PIK3C2A: variants seen among roughly 807,000 people sequenced by gnomAD.
PIK3C2A encodes the protein phosphatidylinositol 4-phosphate 3-kinase C2 domain-containing subunit alpha.
Under a neutral mutation model 204.5 loss-of-function variants are expected in PIK3C2A, and 97 were observed. That is an observed-to-expected ratio of 0.47 (90% CI 0.40 to 0.56). PIK3C2A has a LOEUF of 0.56. Among genes scored for constraint, PIK3C2A ranks in the 20% least tolerant of loss-of-function variants. The pLI, the probability that PIK3C2A is intolerant of heterozygous loss-of-function variation, is 0.00. For synonymous variants in PIK3C2A, 653 were observed against 664.4 expected, an observed-to-expected ratio of 0.98 and a Z score of 0.26; for missense variants, 1,735 against 1,969.2, an observed-to-expected ratio of 0.88 and a Z score of 2.25.
chr11:17,193,866 A>AGGG lies in PIK3C2A; in HGVS notation c.-66+13981_-66+13982insCCC, dbSNP rs1565305735. 7.1e-5 allele frequency: 7 copies of AGGG among 99,246 alleles called. 1 individual carries two copies. Among genetic ancestry groups the AGGG allele is most frequent in the African/African-American group, 3.2e-4 (5 of 15,642 alleles). 6.1% of individuals were successfully genotyped at this position (99,246 alleles called of 1,614,324 possible). On this transcript the variant is annotated intron_variant, in intron 1 of 32. Transcript: ENST00000691414. ...TCTCAAAAAAAGAAAAGAAAAGAAA[A>AGGG]GAAAAGAAAAGAAAAGAAAAGAAAA... is the stretch of plus-strand genomic sequence containing the variant.
At chr11:17,185,255 T>C (rs946602671) in intron 1 of PIK3C2A, among the ~76,000 whole-genome samples, 1 of 152,220 alleles carries the variant, frequency 6.6e-6, no homozygotes, top group Non-Finnish European at 1.5e-5. Flanking sequence ...TAACATGCTA[T>C]AGTATGTACA....
At position 17,118,738 on chromosome 11, in the gene PIK3C2A, G is replaced by C. The variant is rs369031488; in HGVS notation, c.2942C>G (p.Ala981Gly). 5 of 1,462,432 alleles carry C rather than the reference G, an allele frequency of 3.4e-6. No individual in the cohort carries two copies. Among genetic ancestry groups the C allele is most frequent in the Non-Finnish European group, 4.8e-6 (5 of 1,048,108 alleles). The allele number at this position is 1,462,432 out of a possible 1,614,324, so 90.6% of individuals were successfully genotyped here. A position where few individuals can be genotyped will look rare whatever the true frequency, so the allele number is the denominator to read the frequency against. The change falls in exon 18 of 33, where the codon GCT (alanine) becomes GGT (glycine). Residue 981 changes from alanine to glycine, a missense_variant and splice_region_variant. Physicochemically the swap from Ala to Gly is moderately conservative, Grantham distance 60. Coordinates refer to ENST00000691414, the MANE Select transcript of PIK3C2A (RefSeq NM_002645.4). ...ATTCAAGTAAATTTCATATTTCAAA[G>C]CCTACAGTAAAAGAAAATAAGAATT... ...LTDLLPQFVQ[A>G]LKYEIYLNSS...
chr11:17,169,370 G>C lies in PIK3C2A; in HGVS notation c.372C>G (p.Ser124Arg), dbSNP rs1189916272. The C allele has an allele frequency of 1.2e-6, 2 of 1,613,936 alleles. No individual in the cohort carries two copies. The highest frequency in any genetic ancestry group is 2.2e-5 in the East Asian group (1 of 44,884). ...TPVLPVTPIL[S>R]PSFSAQLYFR... ...AATAGAGCTGTGCTGAAAAGGAAGG[G>C]CTCAGAATAGGAGTAACTGGTAATA... Residue 124 changes from serine to arginine, a missense_variant, in exon 2 of 33, where the codon AGC becomes AGG. Ser to Arg is a moderately radical substitution (Grantham distance 110, BLOSUM62 -1). Around this residue, in one of 6 missense-constraint regions of PIK3C2A, gnomAD observed 536 missense variants for 546.7 expected, o/e 0.98. Coordinates refer to ENST00000691414, the MANE Select transcript of PIK3C2A (RefSeq NM_002645.4).
intron 13 of PIK3C2A, among the ~76,000 whole-genome samples, chr11:17,126,438 T>A (rs534314894): frequency 1.1e-3 from 160 of 152,320 alleles, no homozygotes; most frequent in African/African-American, 3.7e-3. Flanking sequence ...TAAGGCTGAA[T>A]GAAATGCCTT....
rs367641580 is a variant in PIK3C2A at position 17,151,042 on chromosome 11, C to A, written c.1170-387G>T. ...CAATGTAGTCCTAAAACTATAATGG[C>A]CAAAAGGATAACAAGTTGGTTGTCT... On this transcript the variant is annotated intron_variant, in intron 3 of 32. Coordinates refer to ENST00000691414, the MANE Select transcript of PIK3C2A (RefSeq NM_002645.4). Among the ~76,000 whole-genome samples the A allele has an allele frequency of 2.6e-4, 39 of 152,176 alleles. No individual in the cohort carries two copies. In the South Asian group the frequency reaches 7.9e-3, roughly 31 times the overall value.
intron 1 of PIK3C2A, among the ~76,000 whole-genome samples, chr11:17,198,039 A>T (rs1033873998): frequency 2.0e-5 from 3 of 152,168 alleles, no homozygotes; most frequent in Non-Finnish European, 4.4e-5. Flanking sequence ...ATAGTTTTAT[A>T]TAACAGTGAT....
intron 18 of PIK3C2A, 69 bp from the exon 19 acceptor site, chr11:17,117,740 A>C: frequency 1.3e-6 from 1 of 797,062 alleles, no homozygotes. Flanking sequence ...TTTGAGACGG[A>C]GCCTCACTCG....
chr11:17,194,957 AT>A (rs1412016156), intron 1 of PIK3C2A, among the ~76,000 whole-genome samples: 1 of 152,146 alleles, frequency 6.6e-6, no homozygotes, highest in African/African-American at 2.4e-5. Flanking sequence ...TTTCTATAAT[AT>A]TAAATTTAAC....
intron 8 of PIK3C2A, among the ~76,000 whole-genome samples, chr11:17,144,149 A>T (rs1017020783): frequency 4.6e-5 from 7 of 152,166 alleles, no homozygotes; most frequent in African/African-American, 1.7e-4. Context: ...TCTATCACAG[A>T]ATTGCTTATA....
intron 1 of PIK3C2A, among the ~76,000 whole-genome samples, chr11:17,195,635 T>C (rs932658909): frequency 3.3e-5 from 5 of 150,476 alleles, no homozygotes; most frequent in African/African-American, 1.2e-4. Flanking sequence ...CCCAGCTACT[T>C]AGGAGACTGA....
intron 2 of PIK3C2A, among the ~76,000 whole-genome samples, chr11:17,159,359 C>T (rs1850705308): frequency 6.6e-6 from 1 of 152,136 alleles, no homozygotes; most frequent in Non-Finnish European, 1.5e-5. Context: ...AAAACACTGC[C>T]AATGCATTAG....
Position 17,169,352 on chromosome 11 carries a change from C to A in PIK3C2A, c.390G>T (p.Gln130His). The change falls in exon 2 of 33, where the codon CAG becomes CAT. Residue 130 changes from glutamine to histidine, a missense_variant. By Grantham distance (24) the Gln-to-His change is conservative. Coordinates refer to ENST00000691414, the MANE Select transcript of PIK3C2A (RefSeq NM_002645.4). ...TCTGAATAGTAGGTCTAAAATAGAG[C>A]TGTGCTGAAAAGGAAGGGCTCAGAA... ...TPILSPSFSA[Q>H]LYFRPTIQRG... The A allele has an allele frequency of 6.2e-7, 1 of 1,613,880 alleles. No individual in the cohort carries two copies. Among genetic ancestry groups the A allele is most frequent in the East Asian group, 2.2e-5 (1 of 44,880 alleles).
intron 1 of PIK3C2A, chr11:17,193,560 C>T (rs1046293726): frequency 3.6e-5 from 15 of 418,572 alleles, no homozygotes; most frequent in East Asian, 1.7e-4. Flanking sequence ...TAAGAAACTG[C>T]GATCAAGCCA....
intron 1 of PIK3C2A, among the ~76,000 whole-genome samples, chr11:17,185,867 T>C (rs1482197974): frequency 2.6e-5 from 4 of 152,182 alleles, no homozygotes; most frequent in Non-Finnish European, 1.5e-5. Flanking sequence ...AACCCCTCCT[T>C]TCCCCACCTT....
chr11:17,134,927 G>T lies in PIK3C2A; in HGVS notation c.2000C>A (p.Thr667Lys), dbSNP rs1324648633. ...RLHANSGRSP[T>K]DCAQSSKSVK... The stretch of plus-strand genomic sequence containing the variant: ...ACTCTTGCTACTTTGGGCACAGTCT[G>T]TAGGACTCCTACCAGAATTTGCATG... The change falls in exon 11 of 33, where the codon ACA becomes AAA. Residue 667 changes from threonine to lysine, a missense_variant. Around this residue, in one of 6 missense-constraint regions of PIK3C2A, gnomAD observed 567 missense variants for 576.0 expected, o/e 0.98. Transcript: ENST00000691414. The T allele has an allele frequency of 6.2e-7, 1 of 1,613,870 alleles. No individual in the cohort carries two copies.
chr11:17,094,092 C>T (rs1848388594), intron 28 of PIK3C2A, among the ~76,000 whole-genome samples, 169 bp downstream of exon 28: 1 of 152,162 alleles, frequency 6.6e-6, no homozygotes, highest in Non-Finnish European at 1.5e-5. Context: ...CAAAAACTTC[C>T]AGTTCCTTGT....
intron 1 of PIK3C2A, among the ~76,000 whole-genome samples, chr11:17,175,338 T>C (rs1237881259): frequency 6.6e-6 from 1 of 152,222 alleles, no homozygotes; most frequent in Non-Finnish European, 1.5e-5. Flanking sequence ...TAAGTTACCA[T>C]ATTTAAGTTT....
chr11:17,101,185 T>C, intron 25 of PIK3C2A, 93 bp downstream of exon 25: 2 of 791,634 alleles, frequency 2.5e-6, no homozygotes, highest in Non-Finnish European at 3.8e-6. Flanking sequence ...CTAAAGCAAA[T>C]TTTATTCCAA....
At chr11:17,205,060 C>T (rs214903) in intron 1 of PIK3C2A, among the ~76,000 whole-genome samples, 35,918 of 151,466 alleles carry the variant, frequency 0.24, 5,300 homozygotes, top group East Asian at 0.38. Context: ...ACCTGTAATC[C>T]CAGCTACTTG....
Sources: gnomAD v4.1 joint callset for allele counts (sites outside exome capture counted in the v4.1 genomes callset) on GRCh38, gnomAD v4.1.1 for gene constraint, gnomAD v4.1.1 regional missense constraint, MANE v1.5 for transcripts, NCBI Gene and HGNC (gene_info 2026-07-23, HGNC 2026-07-21) for gene names.